The following ERICH5 variants were observed in gnomAD, a reference collection of about 807,000 sequenced individuals.
The protein encoded by ERICH5 is glutamate-rich protein 5.
ERICH5 carries 24 observed loss-of-function variants against 28.0 expected under a neutral mutation model. The ratio of observed to expected loss-of-function variants is 0.86; its 90% CI spans 0.62 to 1.21. The LOEUF is 1.21. Ranked by LOEUF, ERICH5 falls within the 50% of genes most tolerant of loss-of-function variation. The pLI, the probability that ERICH5 is intolerant of heterozygous loss-of-function variation, is 0.00. For missense variants in ERICH5, 421 were observed against 441.2 expected, an observed-to-expected ratio of 0.95 and a Z score of 0.41; for synonymous variants, 163 against 157.6, an observed-to-expected ratio of 1.03 and a Z score of -0.25.
chr8:98,064,618 G>A lies in ERICH5; in HGVS notation c.-52G>A. On this transcript the variant is annotated 5_prime_UTR_variant, in exon 1 of 3. Transcript: ENST00000318528. ...CGGGTGCAGTTGCCTTCGGTTCCCG[G>A]TTCCGGGCCGACACCCGCGCAGGGC... 1.4e-6 allele frequency: 2 copies of A among 1,451,692 alleles called. No homozygotes were observed. The highest frequency in any genetic ancestry group is 2.7e-5 in the South Asian group (2 of 75,356). 89.9% of individuals were successfully genotyped at this position (1,451,692 alleles called of 1,614,324 possible). A position where few individuals can be genotyped will look rare whatever the true frequency, so the allele number is the denominator to read the frequency against.
intron 1 of ERICH5, among the ~76,000 whole-genome samples, chr8:98,072,868 G>A (rs1319654408): frequency 1.3e-5 from 2 of 151,668 alleles, no homozygotes; most frequent in East Asian, 1.9e-4. Context: ...TTTTTTTTCT[G>A]TAAGGTGATT....
At chr8:98,090,704 T>G (rs570905024) in intron 2 of ERICH5, among the ~76,000 whole-genome samples, 313 of 152,260 alleles carry the variant, frequency 2.1e-3, no homozygotes, top group African/African-American at 7.1e-3. Flanking sequence ...AGAGAAAATG[T>G]ACTATGTCTT....
rs140518470 is a variant in ERICH5, at chr8:98,069,747, A to T, written c.58+5020A>T. On this transcript the variant is annotated intron_variant, in intron 1 of 2. Coordinates refer to ENST00000318528, the MANE Select transcript of ERICH5 (RefSeq NM_173549.3). Reference sequence around the variant, plus strand: ...CCCAGGAGTGGCATTACTAGGTCAAAGGGTGTACGCACTGAAAGTTTTGAT... The same window carrying T: ...CCCAGGAGTGGCATTACTAGGTCAATGGGTGTACGCACTGAAAGTTTTGAT... Among the ~76,000 whole-genome samples, 410 of 152,334 alleles carry T rather than the reference A, an allele frequency of 2.7e-3. 3 individuals are homozygous for T. The highest frequency in any genetic ancestry group is 9.3e-3 in the African/African-American group (386 of 41,576).
chr8:98,064,838 G>A, intron 1 of ERICH5, 111 bp downstream of exon 1: 1 of 799,810 alleles, frequency 1.3e-6, no homozygotes, highest in Non-Finnish European at 1.8e-6. Flanking sequence ...CAGGAGCCGG[G>A]CCTTGTCCCG....
intron 1 of ERICH5, among the ~76,000 whole-genome samples, chr8:98,085,272 C>G (rs1213469870): frequency 6.7e-6 from 1 of 149,750 alleles, no homozygotes; most frequent in African/African-American, 2.4e-5. Flanking sequence ...GCCATTCTCC[C>G]GCCTCAGCCT....
Position 98,089,879 on chromosome 8 carries a change from A to G in ERICH5, c.862A>G (p.Lys288Glu). ...GCCTGTTATGAATGATCCATTCCAT[A>G]AAACTCCTGAAGGTCCAGGAAACAT... ...EKPVMNDPFH[K>E]TPEGPGNMEQ... Residue 288 changes from lysine to glutamate, a missense_variant, in exon 2 of 3, where the codon AAA (lysine) becomes GAA (glutamate). Coordinates refer to ENST00000318528, the MANE Select transcript of ERICH5 (RefSeq NM_173549.3). The G allele has an allele frequency of 6.2e-7, 1 of 1,614,242 alleles. No individual in the cohort carries two copies.
At chr8:98,080,356 T>C (rs1280889008) in intron 1 of ERICH5, among the ~76,000 whole-genome samples, 1 of 152,150 alleles carries the variant, frequency 6.6e-6, no homozygotes. Context: ...CACCCAGTGC[T>C]AGAACAGTCT....
At chr8:98,069,564 C>T (rs1280951448) in intron 1 of ERICH5, among the ~76,000 whole-genome samples, 11 of 152,044 alleles carry the variant, frequency 7.2e-5, no homozygotes. Flanking sequence ...CTTTTTTATA[C>T]CTGCATAATA....
At chr8:98,073,086 A>T (rs1273796506) in intron 1 of ERICH5, among the ~76,000 whole-genome samples, 1 of 152,088 alleles carries the variant, frequency 6.6e-6, no homozygotes, top group Non-Finnish European at 1.5e-5. Context: ...CAACTGAAAG[A>T]CAGTATAGAG....
At chr8:98,077,493 T>C (rs139196702) in intron 1 of ERICH5, among the ~76,000 whole-genome samples, 1 of 152,210 alleles carries the variant, frequency 6.6e-6, no homozygotes, top group Non-Finnish European at 1.5e-5. Context: ...TGTGCTATCA[T>C]GTTTTTGAAA....
At chr8:98,082,279 CA>C in intron 1 of ERICH5, among the ~76,000 whole-genome samples, 1 of 152,224 alleles carries the variant, frequency 6.6e-6, no homozygotes, top group East Asian at 1.9e-4. Context: ...TGACTATTTT[CA>C]GGTTGTGTTT....
rs1815417655 is a variant in ERICH5, at chr8:98,091,997, T to TCCTTCCTTCCTTCCTC, written c.1013-1209_1013-1208insCCCTTCCTTCCTTCCT. Among the ~76,000 whole-genome samples the TCCTTCCTTCCTTCCTC allele has an allele frequency of 2.3e-5, 3 of 127,682 alleles. 1 individual carries two copies. In the Admixed American group the frequency reaches 2.5e-4, roughly 11 times the overall value. 83.8% of individuals were successfully genotyped at this position (127,682 alleles called of 152,430 possible). A position where few individuals can be genotyped will look rare whatever the true frequency, so the allele number is the denominator to read the frequency against. On this transcript the variant is annotated intron_variant, in intron 2 of 2. Transcript: ENST00000318528. ...TTTTTCTTCTCTCTCTCTCTCCCCT[T>TCCTTCCTTCCTTCCTC]CCTTCCTTCCTTCCTTCCTTCCTTC...
At chr8:98,077,700 A>G (rs987085303) in intron 1 of ERICH5, among the ~76,000 whole-genome samples, 23 of 152,026 alleles carry the variant, frequency 1.5e-4, no homozygotes, top group Non-Finnish European at 3.4e-4. Flanking sequence ...CTTTCTAATT[A>G]CTAATTATGT....
chr8:98,081,952 T>C (rs1815190605), intron 1 of ERICH5, among the ~76,000 whole-genome samples: 1 of 151,818 alleles, frequency 6.6e-6, no homozygotes, highest in Non-Finnish European at 1.5e-5. Context: ...AATTCCCCTA[T>C]ACTGTAGGTC....
chr8:98,070,289 G>A (rs1028287977), intron 1 of ERICH5, among the ~76,000 whole-genome samples: 8 of 152,106 alleles, frequency 5.3e-5, no homozygotes, highest in African/African-American at 1.4e-4. Flanking sequence ...TTGGGAGGCC[G>A]TAGTGGGAGA....
At chr8:98,073,494 A>C (rs1212121194) in intron 1 of ERICH5, among the ~76,000 whole-genome samples, 35 of 2,930 alleles carry the variant, frequency 0.012, 12 homozygotes, top group East Asian at 0.083. Context: ...ATGTATATAT[A>C]TATATATATA....
chr8:98,093,395 G>A lies in ERICH5; in HGVS notation c.*62G>A, dbSNP rs1815444702. On this transcript the variant is annotated 3_prime_UTR_variant, in exon 3 of 3. Coordinates refer to ENST00000318528, the MANE Select transcript of ERICH5 (RefSeq NM_173549.3). ...GGAGACAAAAATGGTAGTGAAGCTT[G>A]TGGTTATGTATCTTATCTTTCTACA... 1.8e-6 allele frequency: 2 copies of A among 1,117,166 alleles called. No homozygotes were observed. Among genetic ancestry groups the A allele is most frequent in the South Asian group, 2.7e-5 (2 of 73,716 alleles). 69.2% of individuals were successfully genotyped at this position (1,117,166 alleles called of 1,614,324 possible).
At position 98,085,271 on chromosome 8, in the gene ERICH5, C is replaced by T. The variant is rs866542666; in HGVS notation, c.59-3805C>T. Among the ~76,000 whole-genome samples the T allele has an allele frequency of 1.6e-4, 24 of 150,434 alleles. No homozygotes were observed. In the Middle Eastern group the frequency reaches 0.01, roughly 64 times the overall value. On this transcript the variant is annotated intron_variant, in intron 1 of 2. Transcript: ENST00000318528. ...CGCCTCCCAGTTTCACGCCATTCTCCCGCCTCAGCCTCCCGAGTAGCTGGG... is the reference window on the plus strand; with the variant it reads ...CGCCTCCCAGTTTCACGCCATTCTCTCGCCTCAGCCTCCCGAGTAGCTGGG...
intron 1 of ERICH5, among the ~76,000 whole-genome samples, chr8:98,073,458 ATGTATATATATATATATATATATATATG>A (rs1563753434): frequency 0.024 from 238 of 9,870 alleles, 66 homozygotes; most frequent in African/African-American, 0.12. Context: ...ATATATATAT[ATGTATATATATATATATATATATATATG>A]TATATATATA....
Sources: allele counts gnomAD v4.1 joint callset (sites outside exome capture counted in the v4.1 genomes callset), GRCh38; gene constraint gnomAD v4.1.1; transcripts MANE v1.5; gene names NCBI Gene and HGNC (gene_info 2026-07-23, HGNC 2026-07-21).